Variants in MTUS1 observed in about 807,000 individuals in gnomAD.
MTUS1 encodes microtubule-associated tumor suppressor 1.
A neutral mutation model predicts 120.8 loss-of-function variants in MTUS1; 109 were observed. That is an observed-to-expected ratio of 0.90 (90% CI 0.77 to 1.06). MTUS1 has a LOEUF of 1.06. Among genes scored for constraint, MTUS1 ranks in the 50% least tolerant of loss-of-function variants. The pLI, the probability that MTUS1 is intolerant of heterozygous loss-of-function variation, is 0.00. For synonymous variants in MTUS1, 737 were observed against 550.5 expected (o/e 1.34, Z -4.74); for missense variants, 2,210 against 1,486.3 (o/e 1.49, Z -8.01).
At chr8:17,790,381 G>T (rs1460460397) in intron 1 of MTUS1, among the ~76,000 whole-genome samples, 5 of 151,362 alleles carry the variant, frequency 3.3e-5, no homozygotes, top group African/African-American at 9.7e-5. Context: ...AAAAAAAATA[G>T]TAGTTGCTAT....
At chr8:17,763,805 T>C (rs1488523302) in intron 1 of MTUS1, among the ~76,000 whole-genome samples, 1 of 152,208 alleles carries the variant, frequency 6.6e-6, no homozygotes, top group Non-Finnish European at 1.5e-5. Context: ...GGTAATGCTG[T>C]GTGTTCCAGA....
chr8:17,752,122 A>C (rs1477022024), intron 2 of MTUS1, among the ~76,000 whole-genome samples: 1 of 152,180 alleles, frequency 6.6e-6, no homozygotes, highest in Non-Finnish European at 1.5e-5. Flanking sequence ...CAAGCTGCAC[A>C]GGGGCAACAT....
chr8:17,757,923 T>C (rs569011358), intron 1 of MTUS1, among the ~76,000 whole-genome samples: 5 of 152,300 alleles, frequency 3.3e-5, no homozygotes, highest in African/African-American at 1.2e-4. Context: ...AAACAGGTCA[T>C]TGTGAATCCT....
intron 1 of MTUS1, among the ~76,000 whole-genome samples, chr8:17,768,111 C>A (rs2131426264): frequency 6.6e-6 from 1 of 152,298 alleles, no homozygotes; most frequent in Non-Finnish European, 1.5e-5. Context: ...ACTTCACTTA[C>A]ATTAATATTT....
chr8:17,784,354 G>A (rs1801950910), intron 1 of MTUS1, among the ~76,000 whole-genome samples: 2 of 134,564 alleles, frequency 1.5e-5, no homozygotes, highest in South Asian at 2.3e-4. Context: ...AGAGTGCAAT[G>A]TCGCCATCTC....
intron 1 of MTUS1, among the ~76,000 whole-genome samples, chr8:17,762,986 T>A: frequency 8.5e-6 from 1 of 117,312 alleles, no homozygotes; most frequent in East Asian, 2.5e-4. Context: ...TGCTTTCACA[T>A]CCAATGGTAC....
intron 9 of MTUS1, among the ~76,000 whole-genome samples, chr8:17,655,659 G>A (rs182122844): frequency 3.0e-4 from 45 of 152,246 alleles, no homozygotes; most frequent in Middle Eastern, 3.4e-3. Flanking sequence ...GGGAGGCAGA[G>A]GCTGCAGTGA....
intron 1 of MTUS1, among the ~76,000 whole-genome samples, chr8:17,767,444 C>A (rs7831268): frequency 0.034 from 5,192 of 151,502 alleles, 135 homozygotes; most frequent in South Asian, 0.066. Context: ...TAGCTGTAAT[C>A]CCAAAACATT....
intron 6 of MTUS1, among the ~76,000 whole-genome samples, chr8:17,701,449 T>C (rs1037438554): frequency 3.9e-5 from 6 of 152,250 alleles, no homozygotes; most frequent in African/African-American, 1.4e-4. Context: ...CATTGCCTTT[T>C]ATTTTGCAAT....
chr8:17,786,599 T>C (rs576511117), intron 1 of MTUS1, among the ~76,000 whole-genome samples: 11 of 152,268 alleles, frequency 7.2e-5, no homozygotes, highest in African/African-American at 2.6e-4. Flanking sequence ...ATATGTTCTC[T>C]ACAAGTGAGG....
chr8:17,656,554 C>A (rs530248766), intron 8 of MTUS1, among the ~76,000 whole-genome samples: 59 of 131,482 alleles, frequency 4.5e-4, no homozygotes, highest in East Asian at 2.0e-3. Context: ...AACCCCCCCC[C>A]ACCCCACATT....
intron 8 of MTUS1, among the ~76,000 whole-genome samples, chr8:17,672,664 T>A (rs1224125870): frequency 1.3e-5 from 2 of 152,110 alleles, no homozygotes; most frequent in Non-Finnish European, 2.9e-5. Flanking sequence ...ACGGTTACCA[T>A]CAGATGTATG....
rs375925500 is a variant in MTUS1 at position 17,769,927 on chromosome 8, C to CGG, written c.-154-13968_-154-13967dup. 1.1e-3 allele frequency among the ~76,000 whole-genome samples: 55 copies of CGG among 48,436 alleles called. 2 individuals carry two copies. Among genetic ancestry groups the CGG allele is most frequent in the South Asian group, 1.7e-3 (1 of 602 alleles). 31.8% of individuals were successfully genotyped at this position (48,436 alleles called of 152,430 possible). Reference sequence around the variant, plus strand: ...ACACACACACACACACACACACACACGGGGGGGGTTGGGGGGGAAGCACTA... The same window carrying CGG: ...ACACACACACACACACACACACACACGGGGGGGGGGTTGGGGGGGAAGCACTA... On this transcript the variant is annotated intron_variant, in intron 1 of 14. Coordinates refer to ENST00000693296, the MANE Select transcript of MTUS1 (RefSeq NM_001363059.2).
chr8:17,779,387 A>G (rs1248017281), intron 1 of MTUS1, among the ~76,000 whole-genome samples: 2 of 152,336 alleles, frequency 1.3e-5, no homozygotes, highest in Non-Finnish European at 2.9e-5. Flanking sequence ...ATCCTTGTCA[A>G]TATTTCAAAA....
At position 17,653,149 on chromosome 8, in the gene MTUS1, A is replaced by C. The variant is rs189542111; in HGVS notation, c.3384+37T>G. The C allele has an allele frequency of 1.0e-4, 131 of 1,276,328 alleles. No individual in the cohort carries two copies. The African/African-American group carries it at 1.6e-3, about 15-fold the overall frequency. 79.1% of individuals were successfully genotyped at this position (1,276,328 alleles called of 1,614,324 possible). A position where few individuals can be genotyped will look rare whatever the true frequency, so the allele number is the denominator to read the frequency against. ...TGACTCTAAAAGGCAACTGAGAAGAAAAATTCCATACTGATAAAGGAGCAC... is the reference window on the plus strand; with the variant it reads ...TGACTCTAAAAGGCAACTGAGAAGACAAATTCCATACTGATAAAGGAGCAC... On this transcript the variant is annotated intron_variant, in intron 12 of 14. Coordinates refer to ENST00000693296, the MANE Select transcript of MTUS1 (RefSeq NM_001363059.2).
rs531682767 is a variant in MTUS1, at chr8:17,663,372, T to C, written c.2906-7307A>G. Among the ~76,000 whole-genome samples the C allele has an allele frequency of 8.5e-5, 13 of 152,306 alleles. No homozygotes were observed. In the South Asian group the frequency reaches 2.5e-3, roughly 29 times the overall value. ...AGCATTACACAGCCATGGCCCGACA[T>C]TGTTAATATTCTTTTGAAATGATAC... On this transcript the variant is annotated intron_variant, in intron 8 of 14. Transcript: ENST00000693296.
chr8:17,675,779 A>C (rs1410713896), intron 7 of MTUS1, among the ~76,000 whole-genome samples: 8 of 151,896 alleles, frequency 5.3e-5, no homozygotes, highest in Non-Finnish European at 7.3e-5. Flanking sequence ...TAAAGACAAA[A>C]TTAAATTAAT....
At position 17,684,365 on chromosome 8, in the gene MTUS1, T is replaced by A. The variant is rs138534724; in HGVS notation, c.2801A>T (p.Glu934Val). ...GTGCTGAATCACAACTGTCAATGCCTCAAACTTGGTATTACCACAGGCAAG... is the reference window on the plus strand; with the variant it reads ...GTGCTGAATCACAACTGTCAATGCCACAAACTTGGTATTACCACAGGCAAG... ...QLLACGNTKF[E>V]ALTVVIQHLL... The change falls in exon 7 of 15, where the codon GAG becomes GTG. Residue 934 changes from glutamate (E) to valine (V), a missense_variant. By Grantham distance (121) the Glu-to-Val change is moderately radical. Coordinates refer to ENST00000693296, the MANE Select transcript of MTUS1 (RefSeq NM_001363059.2). The A allele has an allele frequency of 2.5e-6, 4 of 1,614,148 alleles. No homozygotes were observed. Among genetic ancestry groups the A allele is most frequent in the Non-Finnish European group, 3.4e-6 (4 of 1,179,996 alleles).
chr8:17,744,888 C>T (rs1185658012), intron 2 of MTUS1, among the ~76,000 whole-genome samples: 4 of 152,060 alleles, frequency 2.6e-5, no homozygotes, highest in Non-Finnish European at 4.4e-5. Flanking sequence ...CACCTATGAT[C>T]TGTAAGTCCC....
Sources: gnomAD v4.1 joint callset for allele counts (sites outside exome capture counted in the v4.1 genomes callset) on GRCh38, gnomAD v4.1.1 for gene constraint, MANE v1.5 for transcripts, NCBI Gene and HGNC (gene_info 2026-07-23, HGNC 2026-07-21) for gene names.